The following AGBL1 variants were observed in gnomAD, a reference collection of about 807,000 sequenced individuals.
AGBL1 encodes the protein cytosolic carboxypeptidase 4.
A neutral mutation model predicts 118.9 loss-of-function variants in AGBL1; 130 were observed. That is an observed-to-expected ratio of 1.09 (90% confidence interval 0.95 to 1.26). AGBL1 has a LOEUF of 1.26. Ranked by LOEUF, AGBL1 falls within the 50% of genes most tolerant of loss-of-function variation. AGBL1 has a pLI of 0.00. For missense variants in AGBL1, 1,584 were observed against 1,298.1 expected (o/e 1.22, Z -3.38); for synonymous variants, 555 against 478.9 (o/e 1.16, Z -2.08).
At chr15:86,412,963 A>G (rs1364356817) in intron 18 of AGBL1, among the ~76,000 whole-genome samples, 1 of 152,202 alleles carries the variant, frequency 6.6e-6, no homozygotes, top group Non-Finnish European at 1.5e-5. Flanking sequence ...TAATATTTTA[A>G]GAGCAAAATA....
chr15:86,756,168 C>A (rs74025457), intron 22 of AGBL1, among the ~76,000 whole-genome samples: 7,391 of 149,936 alleles, frequency 0.049, 411 homozygotes, highest in East Asian at 0.11. Flanking sequence ...CCAGGCCAAA[C>A]AAATATCTTG....
chr15:86,860,446 A>G (rs1465379875), intron 22 of AGBL1, among the ~76,000 whole-genome samples: 1 of 149,986 alleles, frequency 6.7e-6, no homozygotes, highest in East Asian at 1.9e-4. Flanking sequence ...ATATATATAT[A>G]TTTATATTTA....
At chr15:86,648,545 T>C (rs1361195499) in intron 21 of AGBL1, among the ~76,000 whole-genome samples, 1 of 152,170 alleles carries the variant, frequency 6.6e-6, no homozygotes, top group African/African-American at 2.4e-5. Context: ...CTGCAAAATG[T>C]TTTGTGTAAG....
intron 5 of AGBL1, among the ~76,000 whole-genome samples, chr15:86,216,249 T>TATTC (rs2078186989): frequency 6.6e-6 from 1 of 152,068 alleles, no homozygotes; most frequent in South Asian, 2.1e-4. Context: ...TTTATTTATT[T>TATTC]ATTTATTCAT....
chr15:86,154,349 T>G, intron 3 of AGBL1, 81 bp from the exon 4 acceptor site: 1 of 1,462,264 alleles, frequency 6.8e-7, no homozygotes, highest in Non-Finnish European at 9.2e-7. Flanking sequence ...CTTCACCATC[T>G]TCCCCTTCCT....
intron 5 of AGBL1, among the ~76,000 whole-genome samples, chr15:86,221,110 C>T (rs1231012081): frequency 6.6e-6 from 1 of 151,976 alleles, no homozygotes; most frequent in Non-Finnish European, 1.5e-5. Flanking sequence ...AATCAGGAGA[C>T]TCACTCGAAC....
chr15:86,866,187 CAAAAT>C lies in AGBL1; in HGVS notation c.3159-40896_3159-40892del, dbSNP rs567177425. ...TTCTTCTCATAACTGGATTATGACT[CAAAAT>C]AAACATTCCATTGAAGGAATTAGAA... On this transcript the variant is annotated intron_variant, in intron 22 of 22. Transcript: ENST00000614907. Among the ~76,000 whole-genome samples the C allele has an allele frequency of 1.7e-3, 259 of 152,180 alleles. 1 individual carries two copies. Among genetic ancestry groups the C allele is most frequent in the African/African-American group, 5.9e-3 (247 of 41,520 alleles).
At chr15:86,168,117 T>C (rs1243773476) in intron 5 of AGBL1, among the ~76,000 whole-genome samples, 1 of 152,208 alleles carries the variant, frequency 6.6e-6, no homozygotes, top group African/African-American at 2.4e-5. Context: ...CTTTTATTAT[T>C]GTCAGAGATT....
At chr15:86,342,535 G>A (rs117433638) in intron 17 of AGBL1, among the ~76,000 whole-genome samples, 1,732 of 152,260 alleles carry the variant, frequency 0.011, 19 homozygotes, top group Non-Finnish European at 0.018. Context: ...AAACTCTCAT[G>A]TGGATGCCTG....
intron 5 of AGBL1, among the ~76,000 whole-genome samples, chr15:86,181,531 G>A (rs2077552926): frequency 6.6e-6 from 1 of 151,894 alleles, no homozygotes; most frequent in African/African-American, 2.4e-5. Context: ...ATATGGAGTA[G>A]GAGGGAGGGA....
intron 1 of AGBL1, among the ~76,000 whole-genome samples, chr15:86,137,253 C>T (rs1241664916): frequency 2.6e-5 from 4 of 152,236 alleles, no homozygotes; most frequent in South Asian, 2.1e-4. Context: ...ATGAACTGAA[C>T]GTCTTTAGGA....
intron 18 of AGBL1, among the ~76,000 whole-genome samples, chr15:86,492,871 C>T (rs1442468549): frequency 6.6e-6 from 1 of 151,964 alleles, no homozygotes; most frequent in East Asian, 1.9e-4. Flanking sequence ...AGAGAGACAA[C>T]ATGGTGATCA....
chr15:86,305,510 G>A (rs1265610011), intron 17 of AGBL1, among the ~76,000 whole-genome samples: 1 of 152,038 alleles, frequency 6.6e-6, no homozygotes, highest in East Asian at 1.9e-4. Context: ...AAACATGGGT[G>A]TCTCATATTA....
At chr15:86,195,998 G>A (rs532474487) in intron 5 of AGBL1, among the ~76,000 whole-genome samples, 1 of 152,138 alleles carries the variant, frequency 6.6e-6, no homozygotes, top group Non-Finnish European at 1.5e-5. Context: ...ATAAATTTGG[G>A]GAGCTTCAGT....
At chr15:86,144,754 A>G (rs1394768730) in intron 3 of AGBL1, among the ~76,000 whole-genome samples, 2 of 152,198 alleles carry the variant, frequency 1.3e-5, no homozygotes, top group African/African-American at 4.8e-5. Context: ...CTGTACAACA[A>G]ACCCCCATGA....
At chr15:86,150,885 G>A (rs866808069) in intron 3 of AGBL1, among the ~76,000 whole-genome samples, 4 of 152,158 alleles carry the variant, frequency 2.6e-5, no homozygotes, top group East Asian at 3.9e-4. Flanking sequence ...CTGGCAAACC[G>A]AATCCAGCAG....
At chr15:86,182,347 C>T (rs528925646) in intron 5 of AGBL1, among the ~76,000 whole-genome samples, 5 of 151,966 alleles carry the variant, frequency 3.3e-5, no homozygotes, top group Admixed American at 2.0e-4. Flanking sequence ...TAGGGAAATT[C>T]CTTGTGTTTG....
chr15:86,843,224 C>T (rs78168219), intron 22 of AGBL1, among the ~76,000 whole-genome samples: 2,048 of 152,228 alleles, frequency 0.013, 47 homozygotes, highest in African/African-American at 0.045. Flanking sequence ...AGGATGAGCA[C>T]ATTGGATCAG....
Position 86,258,113 on chromosome 15 carries a change from G to C in AGBL1, c.969+82G>C, listed in dbSNP as rs1008331084. 1.2e-5 allele frequency: 17 copies of C among 1,445,422 alleles called. No homozygotes were observed. The Admixed American group carries it at 3.5e-4, about 29-fold the overall frequency. 89.5% of individuals were successfully genotyped at this position (1,445,422 alleles called of 1,614,324 possible). A position where few individuals can be genotyped will look rare whatever the true frequency, so the allele number is the denominator to read the frequency against. ...AATATTACTTCCTGTGTTTGCCCAA[G>C]CCCAGTGTAAATTTTAAGAACTGAC... On this transcript the variant is annotated intron_variant, in intron 9 of 22. Coordinates refer to ENST00000614907, the MANE Select transcript of AGBL1 (RefSeq NM_001386094.1).
Sources: allele counts gnomAD v4.1 joint callset (sites outside exome capture counted in the v4.1 genomes callset), GRCh38; gene constraint gnomAD v4.1.1; transcripts MANE v1.5; gene names NCBI Gene and HGNC (gene_info 2026-07-23, HGNC 2026-07-21).